Variants in NXPH1 observed in about 807,000 individuals in gnomAD.
NXPH1 encodes the protein neurexophilin-1.
NXPH1 carries 5 observed loss-of-function variants against 23.7 expected under a neutral mutation model. The observed-to-expected ratio is 0.21, with a 90% CI of 0.11 to 0.44. The LOEUF (loss-of-function observed/expected upper bound fraction) is 0.44. Ranked by LOEUF, NXPH1 falls within the 20% of genes least tolerant of loss-of-function variation. The probability of loss-of-function intolerance (pLI) is 0.99; values close to 1 mark genes in which losing one functional copy is unlikely to be tolerated. For synonymous variants in NXPH1, 144 were observed against 122.2 expected (o/e 1.18, Z -1.18); for missense variants, 324 against 321.6 (o/e 1.01, Z -0.06).
intron 2 of NXPH1, among the ~76,000 whole-genome samples, chr7:8,444,009 C>G (rs969015560): frequency 1.3e-5 from 2 of 152,180 alleles, no homozygotes; most frequent in African/African-American, 2.4e-5. Flanking sequence ...TAAAGTGCGC[C>G]CAGTTCCTCC....
At chr7:8,706,656 G>C (rs1174373645) in intron 2 of NXPH1, among the ~76,000 whole-genome samples, 2 of 152,134 alleles carry the variant, frequency 1.3e-5, no homozygotes, top group African/African-American at 2.4e-5. Context: ...TGGGTTCATG[G>C]TCATGGTGGC....
chr7:8,549,782 G>A (rs941647899), intron 2 of NXPH1, among the ~76,000 whole-genome samples: 1 of 151,500 alleles, frequency 6.6e-6, no homozygotes, highest in African/African-American at 2.4e-5. Flanking sequence ...GGAAATAAAT[G>A]TACACAGAGA....
chr7:8,566,482 C>A (rs1818547935), intron 2 of NXPH1, among the ~76,000 whole-genome samples: 1 of 151,778 alleles, frequency 6.6e-6, no homozygotes, highest in Non-Finnish European at 1.5e-5. Context: ...TAGTGAGGAT[C>A]TACCTTAAAG....
intron 2 of NXPH1, among the ~76,000 whole-genome samples, chr7:8,522,677 T>C (rs187489577): frequency 2.0e-5 from 3 of 152,316 alleles, no homozygotes; most frequent in Admixed American, 6.5e-5. Context: ...AGAAAACTAA[T>C]TTTCCTATTT....
intron 2 of NXPH1, among the ~76,000 whole-genome samples, chr7:8,634,963 T>C (rs1820195864): frequency 6.7e-6 from 1 of 149,062 alleles, no homozygotes; most frequent in East Asian, 1.9e-4. Flanking sequence ...ATGACTCTTT[T>C]GCTTCTCACC....
chr7:8,598,347 C>A (rs1819275523), intron 2 of NXPH1, among the ~76,000 whole-genome samples: 1 of 152,092 alleles, frequency 6.6e-6, no homozygotes, highest in South Asian at 2.1e-4. Flanking sequence ...ATCCAAAATG[C>A]TTGATAAGTT....
intron 2 of NXPH1, among the ~76,000 whole-genome samples, chr7:8,489,676 C>A (rs866343859): frequency 6.6e-6 from 1 of 152,092 alleles, no homozygotes; most frequent in Non-Finnish European, 1.5e-5. Context: ...AAGATTCCTG[C>A]TTTGCTATTC....
At chr7:8,503,908 A>C (rs12534716) in intron 2 of NXPH1, among the ~76,000 whole-genome samples, 21,559 of 151,920 alleles carry the variant, frequency 0.14, 1,757 homozygotes, top group East Asian at 0.22. Context: ...TCTATTAAAG[A>C]CTATTCCCTC....
chr7:8,458,584 A>G (rs1400051206), intron 2 of NXPH1, among the ~76,000 whole-genome samples: 2 of 152,196 alleles, frequency 1.3e-5, no homozygotes, highest in African/African-American at 4.8e-5. Flanking sequence ...TAAGAAGAGA[A>G]TCCCAGACTT....
chr7:8,739,749 C>T (rs1163762258), intron 2 of NXPH1, among the ~76,000 whole-genome samples: 1 of 152,036 alleles, frequency 6.6e-6, no homozygotes, highest in Non-Finnish European at 1.5e-5. Flanking sequence ...TAAAGCTGTA[C>T]AAAATATTTT....
chr7:8,446,346 C>G (rs1460613478), intron 2 of NXPH1, among the ~76,000 whole-genome samples: 3 of 151,992 alleles, frequency 2.0e-5, no homozygotes, highest in Admixed American at 2.0e-4. Context: ...AGTACATAAT[C>G]AAAATTTTAG....
intron 2 of NXPH1, among the ~76,000 whole-genome samples, chr7:8,634,595 G>T (rs950895094): frequency 1.3e-5 from 2 of 150,176 alleles, no homozygotes; most frequent in Admixed American, 1.3e-4. Context: ...TACAAAGCAA[G>T]AGGTATAAAA....
chr7:8,438,648 T>C (rs1472853847), intron 2 of NXPH1, among the ~76,000 whole-genome samples: 1 of 152,206 alleles, frequency 6.6e-6, no homozygotes, highest in Non-Finnish European at 1.5e-5. Context: ...TAAAGAAATA[T>C]TTAGGCTTCT....
intron 2 of NXPH1, among the ~76,000 whole-genome samples, chr7:8,529,211 G>T (rs1817912493): frequency 6.6e-6 from 1 of 152,178 alleles, no homozygotes; most frequent in African/African-American, 2.4e-5. Context: ...ATCACATTGG[G>T]TTCACCCAAA....
intron 2 of NXPH1, among the ~76,000 whole-genome samples, chr7:8,552,179 T>C (rs557734243): frequency 2.1e-5 from 3 of 145,074 alleles, no homozygotes; most frequent in South Asian, 2.1e-4. Context: ...GAGAGTAATG[T>C]AATTTGTAGA....
At chr7:8,551,287 A>G (rs1296642678) in intron 2 of NXPH1, among the ~76,000 whole-genome samples, 2 of 151,568 alleles carry the variant, frequency 1.3e-5, no homozygotes, top group East Asian at 3.9e-4. Flanking sequence ...GATCTAATAC[A>G]TTAAAGAAGT....
chr7:8,605,628 A>G (rs745466877), intron 2 of NXPH1, among the ~76,000 whole-genome samples: 10 of 152,110 alleles, frequency 6.6e-5, no homozygotes, highest in Admixed American at 5.9e-4. Context: ...CATGCATATA[A>G]ATTTAGTTTG....
intron 2 of NXPH1, among the ~76,000 whole-genome samples, chr7:8,743,353 C>T (rs1052729143): frequency 7.0e-6 from 1 of 143,236 alleles, no homozygotes; most frequent in Non-Finnish European, 1.6e-5. Flanking sequence ...AAGAGATATA[C>T]AAATGTTTGG....
chr7:8,598,608 G>A (rs1444362246), intron 2 of NXPH1, among the ~76,000 whole-genome samples: 1 of 152,076 alleles, frequency 6.6e-6, no homozygotes, highest in East Asian at 1.9e-4. Flanking sequence ...AAGGGGGTAG[G>A]GGAAAAGAAA....
Sources: gnomAD v4.1 joint callset for allele counts (sites outside exome capture counted in the v4.1 genomes callset) on GRCh38, gnomAD v4.1.1 for gene constraint, MANE v1.5 for transcripts, NCBI Gene and HGNC (gene_info 2026-07-23, HGNC 2026-07-21) for gene names.